The following ATOSA variants were observed in gnomAD, a reference collection of about 807,000 sequenced individuals.
The protein encoded by ATOSA is atos homolog A, also known as atos homolog protein A.
chr15:52,607,291 A>G, the ATOSA span, among the ~76,000 whole-genome samples: 1 of 152,196 alleles, frequency 6.6e-6, no homozygotes, highest in Non-Finnish European at 1.5e-5. Context: ...GCACACCGCT[A>G]ATATTGGGTC....
the ATOSA span, among the ~76,000 whole-genome samples, chr15:52,589,175 C>G: frequency 6.6e-6 from 1 of 152,192 alleles, no homozygotes; most frequent in African/African-American, 2.4e-5. Flanking sequence ...CTAACCAAAA[C>G]AGCAATGAAA....
At chr15:52,591,375 C>T in the ATOSA span, among the ~76,000 whole-genome samples, 249 of 152,236 alleles carry the variant, frequency 1.6e-3, no homozygotes, top group African/African-American at 5.7e-3. Flanking sequence ...GGATTACAGG[C>T]GTGTGCCACC....
the ATOSA span, among the ~76,000 whole-genome samples, chr15:52,661,290 C>T: frequency 1.8e-4 from 28 of 152,170 alleles, no homozygotes; most frequent in Non-Finnish European, 3.4e-4. Context: ...ATCACCTAGC[C>T]TGTTTCTTTC....
At chr15:52,660,168 C>A in the ATOSA span, among the ~76,000 whole-genome samples, 2 of 152,170 alleles carry the variant, frequency 1.3e-5, no homozygotes, top group African/African-American at 4.8e-5. Flanking sequence ...GCAACAGGCG[C>A]TTAATTTTTT....
chr15:52,708,003 G>A, the ATOSA span, among the ~76,000 whole-genome samples: 12 of 152,128 alleles, frequency 7.9e-5, no homozygotes, highest in Non-Finnish European at 1.5e-4. Flanking sequence ...TATTACCAGA[G>A]GCTGAAACCT....
chr15:52,610,070 G>A, the ATOSA span: 1 of 1,613,980 alleles, frequency 6.2e-7, no homozygotes, highest in South Asian at 1.1e-5. Context: ...CTTTTTGCAT[G>A]TAACACACTT....
the ATOSA span, chr15:52,658,648 T>C: frequency 2.5e-6 from 1 of 396,960 alleles, no homozygotes. Flanking sequence ...AAACTCAAAA[T>C]ATAGGAGACC....
the ATOSA span, among the ~76,000 whole-genome samples, chr15:52,664,702 G>C: frequency 4.6e-4 from 70 of 152,262 alleles, 1 homozygote; most frequent in African/African-American, 1.4e-3. Flanking sequence ...CAGCACTTGG[G>C]GAAGCTGAGG....
the ATOSA span, among the ~76,000 whole-genome samples, chr15:52,601,553 G>A: frequency 1.4e-4 from 20 of 147,130 alleles, no homozygotes; most frequent in Admixed American, 1.1e-3. Flanking sequence ...AAAGAAAACC[G>A]AATAGAGATA....
chr15:52,697,642 G>A, the ATOSA span, among the ~76,000 whole-genome samples: 8 of 151,604 alleles, frequency 5.3e-5, no homozygotes, highest in African/African-American at 1.9e-4. Flanking sequence ...ATAAATAAAT[G>A]TTTGCAAACC....
the ATOSA span, among the ~76,000 whole-genome samples, chr15:52,697,712 A>C: frequency 6.6e-6 from 1 of 152,148 alleles, no homozygotes; most frequent in East Asian, 1.9e-4. Flanking sequence ...ACCATTAAAA[A>C]AAAAAGATTT....
At chr15:52,642,578 G>A in the ATOSA span, among the ~76,000 whole-genome samples, 1 of 152,132 alleles carries the variant, frequency 6.6e-6, no homozygotes, top group Non-Finnish European at 1.5e-5. Context: ...AATCATGAGG[G>A]TGTTGGCCAG....
chr15:52,680,322 A>G, the ATOSA span, among the ~76,000 whole-genome samples: 1 of 152,208 alleles, frequency 6.6e-6, no homozygotes, highest in Non-Finnish European at 1.5e-5. Flanking sequence ...ATGAGCCCAA[A>G]TGGAGACAAG....
the ATOSA span, among the ~76,000 whole-genome samples, chr15:52,639,523 A>G: frequency 6.6e-6 from 1 of 152,216 alleles, no homozygotes; most frequent in Non-Finnish European, 1.5e-5. Flanking sequence ...TATAAATACA[A>G]CAGTCTGGGA....
chr15:52,608,581 T>G, the ATOSA span: 1 of 1,573,474 alleles, frequency 6.4e-7, no homozygotes, highest in Non-Finnish European at 8.6e-7. Context: ...TACCTCTGTA[T>G]TTTTTGGTTG....
chr15:52,588,309 C>A, the ATOSA span, among the ~76,000 whole-genome samples: 1 of 152,094 alleles, frequency 6.6e-6, no homozygotes, highest in African/African-American at 2.4e-5. Flanking sequence ...AAAATGCAAT[C>A]AATGGGGAAA....
At chr15:52,614,879 G>A in the ATOSA span, among the ~76,000 whole-genome samples, 1 of 152,028 alleles carries the variant, frequency 6.6e-6, no homozygotes, top group African/African-American at 2.4e-5. Context: ...TTGGATGTCA[G>A]GTACAATAGT....
the ATOSA span, among the ~76,000 whole-genome samples, chr15:52,667,205 C>T: frequency 3.9e-5 from 6 of 152,116 alleles, no homozygotes; most frequent in African/African-American, 1.4e-4. Context: ...CTCTTTAATC[C>T]ATTTTGCCTA....
chr15:52,643,925 C>A, the ATOSA span, among the ~76,000 whole-genome samples: 180 of 147,556 alleles, frequency 1.2e-3, 2 homozygotes, highest in East Asian at 0.014. Flanking sequence ...AACAAACAAA[C>A]AAAAAAAAAC....
Sources: gnomAD v4.1 joint callset for allele counts (sites outside exome capture counted in the v4.1 genomes callset) on GRCh38, gnomAD v4.1.1 for gene constraint, MANE v1.5 for transcripts, NCBI Gene and HGNC (gene_info 2026-07-23, HGNC 2026-07-21) for gene names.